CASS4: variants seen among roughly 807,000 people sequenced by gnomAD.
CASS4 encodes the protein Cas scaffold protein family member 4.
In CASS4, 22 loss-of-function variants were observed where a neutral mutation model predicts 54.2. The observed-to-expected ratio is 0.41, with a 90% CI of 0.29 to 0.58. CASS4 has a LOEUF of 0.58. CASS4 is among the 20% of genes least tolerant of loss of function. The pLI is 0.36. For synonymous variants in CASS4, 409 were observed against 391.5 expected, an observed-to-expected ratio of 1.04 and a Z score of -0.53; for missense variants, 854 against 986.7, an observed-to-expected ratio of 0.87 and a Z score of 1.80.
Position 56,437,035 on chromosome 20 carries a change from T to C in CASS4, c.37-129T>C. 2 of 845,434 alleles carry C rather than the reference T, an allele frequency of 2.4e-6. No homozygotes were observed. The highest frequency in any genetic ancestry group is 3.7e-6 in the Non-Finnish European group (2 of 547,646). The allele number at this position is 845,434 out of a possible 1,614,324, so 52.4% of individuals were successfully genotyped here. A position where few individuals can be genotyped will look rare whatever the true frequency, so the allele number is the denominator to read the frequency against. On this transcript the variant is annotated intron_variant, in intron 1 of 5. Transcript: ENST00000679887. This position sits in a 1 kb window ranked among gnomAD's most constrained non-coding sequence, Gnocchi z 4.7. ...ATCAAAGAGCAGGGACAAGAGCCTC[T>C]GGGGTGGAAGAAATGAAATGAAAGG...
At chr20:56,454,147 C>T (rs2146298331) in intron 5 of CASS4, among the ~76,000 whole-genome samples, 1 of 152,328 alleles carries the variant, frequency 6.6e-6, no homozygotes, top group Non-Finnish European at 1.5e-5. Context: ...CATCACTGCA[C>T]TCCATCCTGG....
rs908211809 is a variant in CASS4 at position 56,452,458 on chromosome 20, G to C, written c.1282G>C (p.Glu428Gln). The stretch of plus-strand genomic sequence containing the variant: ...CGACTCCTCCAGCTCTTCCTCGGAG[G>C]AGTCAGCAAAGGAGCTCTCCTTGGA... ...TDDSSSSSSE[E>Q]SAKELSLDLD... Residue 428 changes from glutamate to glutamine, a missense_variant, in exon 5 of 6, where the codon GAG becomes CAG. By Grantham distance (29) the Glu-to-Gln change is conservative. Transcript: ENST00000679887. 2.4e-5 allele frequency: 39 copies of C among 1,613,918 alleles called. No homozygotes were observed. The highest frequency in any genetic ancestry group is 3.2e-5 in the Non-Finnish European group (38 of 1,179,882).
chr20:56,443,180 G>A (rs1224224475), intron 2 of CASS4, among the ~76,000 whole-genome samples: 1 of 151,336 alleles, frequency 6.6e-6, no homozygotes, highest in East Asian at 1.9e-4. Flanking sequence ...TGTCAGACCG[G>A]GTAAGCAGCT....
At chr20:56,453,310 T>G in intron 5 of CASS4, 181 bp downstream of exon 5, 1 of 580,516 alleles carries the variant, frequency 1.7e-6, no homozygotes, top group South Asian at 2.3e-5. Context: ...ACAAGTCAGA[T>G]AAAGATAGGT....
chr20:56,447,837 CCT>C (rs1298051082), intron 3 of CASS4, among the ~76,000 whole-genome samples: 1 of 149,534 alleles, frequency 6.7e-6, no homozygotes. Context: ...CAGGCGCTTG[CCT>C]TGGGTGTAAA....
chr20:56,449,054 T>G (rs1980864991), intron 3 of CASS4, among the ~76,000 whole-genome samples: 1 of 152,210 alleles, frequency 6.6e-6, no homozygotes, highest in Non-Finnish European at 1.5e-5. Context: ...AGTGTGGTGA[T>G]TCCTCAAGGA....
intron 3 of CASS4, among the ~76,000 whole-genome samples, chr20:56,446,455 A>G (rs1980716594): frequency 6.6e-6 from 1 of 152,130 alleles, no homozygotes; most frequent in South Asian, 2.1e-4. Context: ...TTTAAATGAT[A>G]TTTTGAAGGA....
At chr20:56,432,355 C>CTTTTTTT (rs922336949) in intron 1 of CASS4, among the ~76,000 whole-genome samples, 1 of 101,064 alleles carries the variant, frequency 9.9e-6, no homozygotes. Flanking sequence ...TTCATAAGTC[C>CTTTTTTT]TTTTTTTTTT....
intron 3 of CASS4, among the ~76,000 whole-genome samples, chr20:56,446,733 C>T (rs189173495): frequency 2.0e-5 from 3 of 152,268 alleles, no homozygotes; most frequent in Non-Finnish European, 4.4e-5. Context: ...AGAGCTTTAG[C>T]CATCCTGGTG....
chr20:56,451,791 C>G, intron 4 of CASS4, 28 bp from the exon 5 acceptor site: 1 of 1,563,544 alleles, frequency 6.4e-7, no homozygotes, highest in Non-Finnish European at 8.7e-7. Context: ...AGCTACTAAC[C>G]CGGCAACTAT....
Position 56,412,398 on chromosome 20 carries a change from C to G in CASS4, c.-61C>G. On this transcript the variant is annotated 5_prime_UTR_variant, in exon 1 of 6. The change creates a new upstream start codon in the 5' untranslated region. Transcript: ENST00000679887. This position sits in a 1 kb window ranked among gnomAD's most constrained non-coding sequence, Gnocchi z 4.2. ...GAAGCATGCAGTGACATTGCACAAT[C>G]TGCCTCTGAAGCTGGAGATACTAGC... is the stretch of plus-strand genomic sequence containing the variant. The G allele has an allele frequency of 1.9e-6, 3 of 1,568,322 alleles. No homozygotes were observed. The highest frequency in any genetic ancestry group is 2.6e-6 in the Non-Finnish European group (3 of 1,143,724).
chr20:56,458,081 CTTGTAG>C (rs1981385437), intron 5 of CASS4, among the ~76,000 whole-genome samples: 1 of 146,656 alleles, frequency 6.8e-6, no homozygotes, highest in African/African-American at 2.5e-5. Flanking sequence ...AAATGGGTTT[CTTGTAG>C]TTGGTTTATT....
intron 3 of CASS4, among the ~76,000 whole-genome samples, chr20:56,449,628 A>T (rs1236894245): frequency 6.6e-6 from 1 of 152,072 alleles, no homozygotes; most frequent in Non-Finnish European, 1.5e-5. Context: ...ATAAATTATT[A>T]AACTAATTAC....
At chr20:56,458,137 A>G (rs761152202) in intron 5 of CASS4, among the ~76,000 whole-genome samples, 18 of 151,618 alleles carry the variant, frequency 1.2e-4, no homozygotes, top group Middle Eastern at 3.2e-3. Context: ...GTATTACAAT[A>G]TAATATTGTA....
intron 5 of CASS4, among the ~76,000 whole-genome samples, chr20:56,456,095 G>A (rs1467113983): frequency 2.1e-5 from 3 of 143,124 alleles, no homozygotes; most frequent in Non-Finnish European, 4.6e-5. Context: ...GAAAGCCCCC[G>A]CTTTAGACTG....
At chr20:56,434,690 C>T (rs1980071594) in intron 1 of CASS4, among the ~76,000 whole-genome samples, 1 of 152,040 alleles carries the variant, frequency 6.6e-6, no homozygotes, top group South Asian at 2.1e-4. Flanking sequence ...CATCATCTGC[C>T]CCCTCGGCCT....
At chr20:56,446,953 A>G (rs1380402411) in intron 3 of CASS4, among the ~76,000 whole-genome samples, 1 of 152,134 alleles carries the variant, frequency 6.6e-6, no homozygotes, top group Non-Finnish European at 1.5e-5. Context: ...CACACCTATA[A>G]TCCCAGCATT....
intron 1 of CASS4, among the ~76,000 whole-genome samples, chr20:56,431,443 A>G (rs533820322): frequency 6.6e-6 from 1 of 152,344 alleles, no homozygotes; most frequent in South Asian, 2.1e-4. Flanking sequence ...AACGCCATAC[A>G]GTGTTTCATT....
At chr20:56,420,653 C>G (rs1003701756) in intron 1 of CASS4, among the ~76,000 whole-genome samples, 1 of 151,834 alleles carries the variant, frequency 6.6e-6, no homozygotes, top group Non-Finnish European at 1.5e-5. Context: ...CCTCAGCCTC[C>G]TAAAGCACTG....
Sources: gnomAD v4.1 joint callset for allele counts (sites outside exome capture counted in the v4.1 genomes callset) on GRCh38, gnomAD v4.1.1 for gene constraint, Gnocchi (gnomAD v3.1) non-coding constraint, MANE v1.5 for transcripts, NCBI Gene and HGNC (gene_info 2026-07-23, HGNC 2026-07-21) for gene names.